The following JADE3 variants were observed in gnomAD, a reference collection of about 807,000 sequenced individuals.
JADE3 encodes the protein jade family PHD finger 3, also known as protein Jade-3.
JADE3 carries 2 observed loss-of-function variants against 50.1 expected under a neutral mutation model. The observed-to-expected ratio is 0.04, with a 90% CI of 0.02 to 0.13. JADE3 has a LOEUF of 0.13. JADE3 is among the 10% of genes least tolerant of loss of function. The pLI is 1.00. For missense variants in JADE3, 475 were observed against 634.4 expected, an observed-to-expected ratio of 0.75 and a Z score of 2.70; for synonymous variants, 218 against 232.9, an observed-to-expected ratio of 0.94 and a Z score of 0.58.
chrX:46,963,540 G>C (rs142138937), intron 1 of JADE3, among the ~76,000 whole-genome samples: 2 of 112,315 alleles, frequency 1.8e-5, no homozygotes, highest in East Asian at 5.6e-4. Flanking sequence ...TAATTACTTA[G>C]TTCATTCTAT....
At chrX:46,921,100 A>G (rs782467508) in intron 1 of JADE3, among the ~76,000 whole-genome samples, 1 of 111,377 alleles carries the variant, frequency 9.0e-6, no homozygotes, top group South Asian at 3.8e-4. Context: ...TTTAAGAGAC[A>G]GGGTCTTGCT....
At position 47,022,462 on chromosome X, in the gene JADE3, G is replaced by C. The variant is rs781831448; in HGVS notation, c.285-2262G>C. ...TAGCTTTATTCAGGTTCATTATTTG[G>C]AATCAGGCTTTTGGAAGAATGCTTA... On this transcript the variant is annotated intron_variant, in intron 4 of 10. Coordinates refer to ENST00000614628, the MANE Select transcript of JADE3 (RefSeq NM_014735.5). Among the ~76,000 whole-genome samples, 58 of 111,951 alleles carry C rather than the reference G, an allele frequency of 5.2e-4. 1 individual carries two copies. The highest frequency in any genetic ancestry group is 1.9e-3 in the African/African-American group (58 of 30,850).
At chrX:46,937,225 T>C (rs940097451) in intron 1 of JADE3, among the ~76,000 whole-genome samples, 2 of 112,116 alleles carry the variant, frequency 1.8e-5, no homozygotes, top group Admixed American at 1.9e-4. Context: ...AATATCCAAG[T>C]GTTTGGAGAT....
chrX:46,958,009 C>T (rs1556346905), intron 1 of JADE3, among the ~76,000 whole-genome samples: 2 of 111,885 alleles, frequency 1.8e-5, no homozygotes, highest in African/African-American at 6.5e-5. Flanking sequence ...TCTTTGCTTT[C>T]CCAGGCGGCT....
chrX:46,991,909 A>T (rs1209688416), intron 3 of JADE3, among the ~76,000 whole-genome samples: 2 of 109,882 alleles, frequency 1.8e-5, no homozygotes, highest in Non-Finnish European at 3.8e-5. Flanking sequence ...CTTCTCATTA[A>T]CTCTTTCTTA....
chrX:47,049,842 A>G (rs1257255464), intron 8 of JADE3, among the ~76,000 whole-genome samples: 1 of 92,836 alleles, frequency 1.1e-5, no homozygotes, highest in Non-Finnish European at 2.1e-5. Flanking sequence ...GCTCACTGCA[A>G]CCTCTGCCTC....
chrX:47,052,172 A>G (rs1219080278), intron 8 of JADE3, among the ~76,000 whole-genome samples: 2 of 111,419 alleles, frequency 1.8e-5, no homozygotes, highest in African/African-American at 3.3e-5. Context: ...ACTGAAGCAC[A>G]GGAGTATAGT....
intron 1 of JADE3, among the ~76,000 whole-genome samples, chrX:46,944,695 G>A (rs1556342960): frequency 9.0e-6 from 1 of 110,671 alleles, no homozygotes; most frequent in African/African-American, 3.3e-5. Flanking sequence ...TTGGTATACC[G>A]TGTCTCTGGA....
intron 1 of JADE3, among the ~76,000 whole-genome samples, chrX:46,955,148 CCCT>C (rs1177875081): frequency 8.9e-6 from 1 of 112,583 alleles, no homozygotes; most frequent in Non-Finnish European, 1.9e-5. Flanking sequence ...GCCAGACTGG[CCCT>C]CCTCATAGAA....
Position 47,058,318 on chromosome X carries a change from A to G in JADE3, c.1713A>G (p.Ser571=), listed in dbSNP as rs782611012. The stretch of plus-strand genomic sequence containing the variant: ...AGCCCCACTCTCCTGACAGCAGCTC[A>G]TCTGTTCACAGTATAAGGAACATGC... The part of the protein sequence containing the change: ...DQQPHSPDSS[S]SVHSIRNMQV... Residue 571 remains serine, a synonymous_variant, in exon 11 of 11, where the codon TCA becomes TCG. Coordinates refer to ENST00000614628, the MANE Select transcript of JADE3 (RefSeq NM_014735.5). 2.5e-6 allele frequency: 3 copies of G among 1,211,058 alleles called. No homozygotes were observed. The South Asian group carries it at 5.3e-5, about 21-fold the overall frequency.
intron 8 of JADE3, among the ~76,000 whole-genome samples, chrX:47,051,612 C>A (rs1602424446): frequency 9.3e-6 from 1 of 108,097 alleles, no homozygotes; most frequent in Admixed American, 9.9e-5. Flanking sequence ...GCCTGGCCAA[C>A]ATGGTGAAAC....
chrX:46,977,503 G>C (rs1927652431), intron 1 of JADE3, among the ~76,000 whole-genome samples: 1 of 111,949 alleles, frequency 8.9e-6, no homozygotes, highest in Non-Finnish European at 1.9e-5. Flanking sequence ...ACAATATAAA[G>C]GCCTATCCTG....
chrX:46,944,694 C>T (rs1486143153), intron 1 of JADE3, among the ~76,000 whole-genome samples: 4 of 110,675 alleles, frequency 3.6e-5, no homozygotes, highest in African/African-American at 6.6e-5. Context: ...TTTGGTATAC[C>T]GTGTCTCTGG....
chrX:46,976,682 G>C (rs887890195), intron 1 of JADE3, among the ~76,000 whole-genome samples: 1 of 111,757 alleles, frequency 8.9e-6, no homozygotes, highest in African/African-American at 3.2e-5. Flanking sequence ...GTTACTCCAG[G>C]ATTACACTAT....
intron 1 of JADE3, among the ~76,000 whole-genome samples, chrX:46,936,584 A>C (rs1330436986): frequency 9.0e-6 from 1 of 111,203 alleles, no homozygotes; most frequent in Non-Finnish European, 1.9e-5. Context: ...CAGTAAAACT[A>C]TCTGGGTCTG....
chrX:47,047,039 A>T (rs1208098366), intron 8 of JADE3, among the ~76,000 whole-genome samples: 1 of 111,571 alleles, frequency 9.0e-6, no homozygotes, highest in Non-Finnish European at 1.9e-5. Context: ...TTCCTCTTTG[A>T]AGAAACTTTG....
chrX:47,055,528 A>G (rs1272683842), intron 9 of JADE3, among the ~76,000 whole-genome samples: 4 of 112,260 alleles, frequency 3.6e-5, no homozygotes, highest in African/African-American at 1.3e-4. Flanking sequence ...CATCATCACT[A>G]TTTACAGATG....
intron 8 of JADE3, among the ~76,000 whole-genome samples, chrX:47,049,824 C>T (rs781793948): frequency 2.1e-5 from 2 of 96,216 alleles, no homozygotes; most frequent in South Asian, 5.3e-4. Context: ...TGCAATGGCG[C>T]GATCTTGGCT....
chrX:46,913,729 G>A (rs1556335715), intron 1 of JADE3, among the ~76,000 whole-genome samples: 1 of 110,443 alleles, frequency 9.1e-6, no homozygotes, highest in Admixed American at 9.6e-5. Flanking sequence ...GATCTGGAGT[G>A]AGTGACCACA....
Sources: gnomAD v4.1 joint callset for allele counts (sites outside exome capture counted in the v4.1 genomes callset) on GRCh38, gnomAD v4.1.1 for gene constraint, MANE v1.5 for transcripts, NCBI Gene and HGNC (gene_info 2026-07-23, HGNC 2026-07-21) for gene names.